The following RSRC1 variants were observed in gnomAD, a reference collection of about 807,000 sequenced individuals.
RSRC1 encodes serine/Arginine-related protein 53.
A neutral mutation model predicts 49.1 loss-of-function variants in RSRC1; 39 were observed. The ratio of observed to expected loss-of-function variants is 0.79; its 90% CI spans 0.61 to 1.04. RSRC1 has a LOEUF of 1.04. Ranked by LOEUF, RSRC1 falls within the 50% of genes least tolerant of loss-of-function variation. The probability of loss-of-function intolerance (pLI) is 0.00; values close to 1 mark genes in which losing one functional copy is unlikely to be tolerated. For missense variants in RSRC1, 388 were observed against 402.4 expected, an observed-to-expected ratio of 0.96 and a Z score of 0.31; for synonymous variants, 143 against 130.8, an observed-to-expected ratio of 1.09 and a Z score of -0.63.
At chr3:158,525,703 A>G (rs1291034841) in intron 7 of RSRC1, among the ~76,000 whole-genome samples, 1 of 152,046 alleles carries the variant, frequency 6.6e-6, no homozygotes, top group East Asian at 1.9e-4. Context: ...AGATATTCAT[A>G]TAATAGAATT....
chr3:158,416,013 A>T (rs1734719194), intron 6 of RSRC1, among the ~76,000 whole-genome samples: 1 of 151,906 alleles, frequency 6.6e-6, no homozygotes, highest in Non-Finnish European at 1.5e-5. Flanking sequence ...ATGTGGCTAC[A>T]TTTTTTATTC....
At chr3:158,135,174 T>A (rs1262609807) in intron 3 of RSRC1, among the ~76,000 whole-genome samples, 1 of 152,240 alleles carries the variant, frequency 6.6e-6, no homozygotes, top group Non-Finnish European at 1.5e-5. Flanking sequence ...GTGTAAGTTC[T>A]TAACTGTGCT....
At chr3:158,305,936 A>T (rs2108133656) in intron 5 of RSRC1, among the ~76,000 whole-genome samples, 1 of 152,188 alleles carries the variant, frequency 6.6e-6, no homozygotes. Context: ...GACTTTTTAA[A>T]GTATATCATT....
At chr3:158,340,582 T>C (rs1730180936) in intron 5 of RSRC1, among the ~76,000 whole-genome samples, 1 of 152,088 alleles carries the variant, frequency 6.6e-6, no homozygotes, top group African/African-American at 2.4e-5. Flanking sequence ...AAGAAGTGCC[T>C]TTTGCCTCCC....
At chr3:158,518,779 C>A (rs1253004189) in intron 7 of RSRC1, among the ~76,000 whole-genome samples, 2 of 152,092 alleles carry the variant, frequency 1.3e-5, no homozygotes, top group Non-Finnish European at 2.9e-5. Flanking sequence ...TCTGGAAACA[C>A]CCTCTTTTTC....
intron 3 of RSRC1, among the ~76,000 whole-genome samples, chr3:158,151,397 G>A (rs1399870511): frequency 6.6e-6 from 1 of 152,116 alleles, no homozygotes. Context: ...TCTTTCTTTT[G>A]GGGATATGGA....
intron 6 of RSRC1, among the ~76,000 whole-genome samples, chr3:158,421,575 G>T (rs1350880928): frequency 6.6e-6 from 1 of 151,826 alleles, no homozygotes; most frequent in Non-Finnish European, 1.5e-5. Context: ...ATGTAGAATG[G>T]ATAAAATTCA....
intron 5 of RSRC1, among the ~76,000 whole-genome samples, chr3:158,320,089 C>T (rs1728677577): frequency 6.6e-6 from 1 of 152,092 alleles, no homozygotes. Flanking sequence ...GGAAAGGAAA[C>T]CAACACTAAG....
chr3:158,191,484 CT>C (rs1465598990), intron 3 of RSRC1, among the ~76,000 whole-genome samples: 1 of 151,970 alleles, frequency 6.6e-6, no homozygotes, highest in Non-Finnish European at 1.5e-5. Flanking sequence ...AATTAAGAAA[CT>C]TGACAAATTG....
At chr3:158,437,819 G>A (rs1031655715) in intron 6 of RSRC1, among the ~76,000 whole-genome samples, 3 of 152,078 alleles carry the variant, frequency 2.0e-5, no homozygotes, top group African/African-American at 7.2e-5. Context: ...GCTGGCCAGG[G>A]CAATCAGGCA....
intron 5 of RSRC1, among the ~76,000 whole-genome samples, chr3:158,335,599 C>T (rs542764429): frequency 1.3e-5 from 2 of 152,166 alleles, no homozygotes; most frequent in Admixed American, 6.5e-5. Flanking sequence ...GCTGTATATG[C>T]AATGGAAAGG....
chr3:158,327,187 C>T (rs1250918174), intron 5 of RSRC1, among the ~76,000 whole-genome samples: 3 of 151,924 alleles, frequency 2.0e-5, no homozygotes, highest in Non-Finnish European at 2.9e-5. Flanking sequence ...AAAACCAGCT[C>T]CTGGATTCAT....
chr3:158,516,460 A>G (rs1380640426), intron 7 of RSRC1, among the ~76,000 whole-genome samples: 3 of 152,062 alleles, frequency 2.0e-5, no homozygotes, highest in Non-Finnish European at 4.4e-5. Context: ...CTGTTCTCAG[A>G]TCTCCAGCTG....
At chr3:158,348,578 TA>T (rs1332657167) in intron 5 of RSRC1, among the ~76,000 whole-genome samples, 208 of 142,382 alleles carry the variant, frequency 1.5e-3, no homozygotes, top group African/African-American at 4.4e-3. Flanking sequence ...TTTTTTAAAT[TA>T]TTTTATTTTT....
chr3:158,386,344 A>T (rs1467828076), intron 6 of RSRC1, among the ~76,000 whole-genome samples: 1 of 152,094 alleles, frequency 6.6e-6, no homozygotes, highest in African/African-American at 2.4e-5. Flanking sequence ...AGTTCAACTT[A>T]TCAATTTAAA....
At chr3:158,163,370 A>G (rs1488727319) in intron 3 of RSRC1, among the ~76,000 whole-genome samples, 1 of 152,162 alleles carries the variant, frequency 6.6e-6, no homozygotes, top group African/African-American at 2.4e-5. Flanking sequence ...AATGATTCCC[A>G]TTTTGAAGTT....
chr3:158,241,724 C>T (rs1723591342), intron 4 of RSRC1, among the ~76,000 whole-genome samples: 1 of 151,980 alleles, frequency 6.6e-6, no homozygotes, highest in Non-Finnish European at 1.5e-5. Flanking sequence ...AGTATCGACT[C>T]TTCTAGGTAA....
intron 5 of RSRC1, among the ~76,000 whole-genome samples, chr3:158,339,208 C>T (rs1192821111): frequency 2.8e-5 from 4 of 143,440 alleles, no homozygotes; most frequent in South Asian, 2.3e-4. Context: ...AGGAGAATGG[C>T]GTGAACCCGG....
At chr3:158,439,155 C>A (rs1707997165) in intron 6 of RSRC1, among the ~76,000 whole-genome samples, 1 of 152,074 alleles carries the variant, frequency 6.6e-6, no homozygotes, top group African/African-American at 2.4e-5. Context: ...ATTAAAAAGT[C>A]AGGAAACAAC....
Sources: allele counts gnomAD v4.1 joint callset (sites outside exome capture counted in the v4.1 genomes callset), GRCh38; gene constraint gnomAD v4.1.1; transcripts MANE v1.5; gene names NCBI Gene and HGNC (gene_info 2026-07-23, HGNC 2026-07-21).